DYNC1I1: variants seen among roughly 807,000 people sequenced by gnomAD.
DYNC1I1 encodes cytoplasmic dynein 1 intermediate chain 1.
In DYNC1I1, 43 loss-of-function variants were observed where a neutral mutation model predicts 86.6. The ratio of observed to expected loss-of-function variants is 0.50; its 90% CI spans 0.39 to 0.64. DYNC1I1 has a LOEUF of 0.64. Among genes scored for constraint, DYNC1I1 ranks in the 30% least tolerant of loss-of-function variants. The pLI is 0.00. For synonymous variants in DYNC1I1, 262 were observed against 283.7 expected (o/e 0.92, Z 0.77); for missense variants, 604 against 788.8 (o/e 0.77, Z 2.81).
At chr7:95,960,831 C>A (rs907938714) in intron 6 of DYNC1I1, among the ~76,000 whole-genome samples, 8 of 152,176 alleles carry the variant, frequency 5.3e-5, no homozygotes, top group African/African-American at 1.4e-4. Context: ...AGATAATAAA[C>A]CCTGTTCAGC....
intron 16 of DYNC1I1, 85 bp downstream of exon 16, chr7:96,080,573 A>G: frequency 6.2e-7 from 1 of 1,609,502 alleles, no homozygotes; most frequent in Non-Finnish European, 8.5e-7. Flanking sequence ...AAGAACTTGT[A>G]GGCCACAAGG....
intron 5 of DYNC1I1, among the ~76,000 whole-genome samples, chr7:95,832,189 A>T (rs1351370368): frequency 9.0e-6 from 1 of 111,676 alleles, no homozygotes; most frequent in African/African-American, 3.9e-5. Context: ...TCATTGTTCA[A>T]TTCCCACCTA....
chr7:95,806,299 T>A (rs1398919472), intron 2 of DYNC1I1, among the ~76,000 whole-genome samples: 1 of 152,230 alleles, frequency 6.6e-6, no homozygotes, highest in Non-Finnish European at 1.5e-5. Context: ...CTAAATGTGA[T>A]GTGATATGGG....
At position 96,023,233 on chromosome 7, in the gene DYNC1I1, C is replaced by G. The variant is rs1046066429; in HGVS notation, c.970-4942C>G. ...CATTTAACAGCATATGGCAACAATA[C>G]GACCAGTCCCTCCCTGAGGACCATC... On this transcript the variant is annotated intron_variant, in intron 10 of 16. Transcript: ENST00000447467. Among the ~76,000 whole-genome samples the G allele has an allele frequency of 4.6e-5, 7 of 152,264 alleles. No individual in the cohort carries two copies. The East Asian group carries it at 1.4e-3, about 29-fold the overall frequency.
At chr7:96,108,635 G>A (rs539803435) in intron 16 of DYNC1I1, among the ~76,000 whole-genome samples, 78 of 152,022 alleles carry the variant, frequency 5.1e-4, no homozygotes, top group Non-Finnish European at 8.7e-4. Context: ...AGGCCGAGGC[G>A]GGTGGATCAC....
intron 6 of DYNC1I1, among the ~76,000 whole-genome samples, chr7:95,877,888 G>A (rs1790350031): frequency 6.6e-6 from 1 of 152,212 alleles, no homozygotes; most frequent in South Asian, 2.1e-4. Flanking sequence ...CTGAGCAGTT[G>A]AAGTGATCAG....
At chr7:95,809,149 G>T (rs1286191030) in intron 2 of DYNC1I1, among the ~76,000 whole-genome samples, 1 of 152,116 alleles carries the variant, frequency 6.6e-6, no homozygotes, top group Admixed American at 6.6e-5. Context: ...TCAAAAATAT[G>T]AGTGATTTAG....
chr7:95,819,908 A>G lies in DYNC1I1; in HGVS notation c.314+6571A>G, dbSNP rs562709482. On this transcript the variant is annotated intron_variant, in intron 4 of 16. Transcript: ENST00000447467. ...GGTTATAGTAACACAGTAAGCATCT[A>G]TTTTAGGAAAGGGTAGCTGAGCTTT... Among the ~76,000 whole-genome samples, 17 of 152,312 alleles carry G rather than the reference A, an allele frequency of 1.1e-4. 1 individual carries two copies. The highest frequency in any genetic ancestry group is 4.1e-4 in the African/African-American group (17 of 41,566).
chr7:95,961,407 C>A (rs1488498), intron 6 of DYNC1I1, among the ~76,000 whole-genome samples: 7,172 of 152,208 alleles, frequency 0.047, 454 homozygotes, highest in African/African-American at 0.15. Context: ...ATAATAATTT[C>A]CACTTACCTA....
In DYNC1I1 at chr7:95,984,989, G is replaced by T; in HGVS notation, c.743+12G>T. 6.2e-7 allele frequency: 1 copy of T among 1,606,618 alleles called. No homozygotes were observed. ...GAGGAAAAAGATGGGTTAGTCTCTT[G>T]TGTGCATTCTTTAAAAAATAGCGTA... On this transcript the variant is annotated intron_variant, in intron 8 of 16. Transcript: ENST00000447467.
At chr7:96,035,482 G>T in intron 12 of DYNC1I1, 137 bp from the exon 13 acceptor site, 1 of 1,190,254 alleles carries the variant, frequency 8.4e-7, no homozygotes, top group Non-Finnish European at 1.1e-6. Flanking sequence ...GTAAAGCATG[G>T]TTTCTGGCAC....
At chr7:95,838,619 G>T (rs1363030307) in intron 5 of DYNC1I1, among the ~76,000 whole-genome samples, 1 of 152,098 alleles carries the variant, frequency 6.6e-6, no homozygotes, top group African/African-American at 2.4e-5. Flanking sequence ...TCTGTAGACT[G>T]CTCTAGGCAG....
intron 14 of DYNC1I1, among the ~76,000 whole-genome samples, chr7:96,068,837 G>A (rs1790074125): frequency 6.6e-6 from 1 of 152,136 alleles, no homozygotes; most frequent in Non-Finnish European, 1.5e-5. Flanking sequence ...TAGGTGAAAT[G>A]GGTTGTTAGC....
At chr7:96,081,714 A>G (rs1790524876) in intron 16 of DYNC1I1, among the ~76,000 whole-genome samples, 1 of 152,188 alleles carries the variant, frequency 6.6e-6, no homozygotes, top group Non-Finnish European at 1.5e-5. Context: ...TTATGGTTTC[A>G]TCAATCAGCA....
At chr7:96,050,857 A>G (rs1048900944) in intron 14 of DYNC1I1, among the ~76,000 whole-genome samples, 1 of 152,190 alleles carries the variant, frequency 6.6e-6, no homozygotes, top group Admixed American at 6.5e-5. Context: ...TAGTAAAAAA[A>G]CTACATATTT....
At chr7:96,016,927 T>G (rs916787932) in intron 10 of DYNC1I1, among the ~76,000 whole-genome samples, 5 of 152,198 alleles carry the variant, frequency 3.3e-5, no homozygotes, top group African/African-American at 1.2e-4. Flanking sequence ...TGTGGCTGAC[T>G]CCCTTAGTGT....
intron 6 of DYNC1I1, among the ~76,000 whole-genome samples, chr7:95,899,980 T>G (rs539227099): frequency 6.6e-6 from 1 of 152,272 alleles, no homozygotes; most frequent in African/African-American, 2.4e-5. Context: ...ATCATGTAGG[T>G]GCTCGCCTGT....
intron 12 of DYNC1I1, among the ~76,000 whole-genome samples, chr7:96,033,508 G>A (rs1171867943): frequency 6.6e-6 from 1 of 152,062 alleles, no homozygotes; most frequent in Non-Finnish European, 1.5e-5. Flanking sequence ...ATTTCTTTGT[G>A]TGAAAAAACA....
chr7:95,964,518 C>G (rs951385567), intron 6 of DYNC1I1, among the ~76,000 whole-genome samples: 1 of 152,208 alleles, frequency 6.6e-6, no homozygotes. Flanking sequence ...TGCCATCTCC[C>G]ATATGCCCAG....
Sources: gnomAD v4.1 joint callset for allele counts (sites outside exome capture counted in the v4.1 genomes callset) on GRCh38, gnomAD v4.1.1 for gene constraint, MANE v1.5 for transcripts, NCBI Gene and HGNC (gene_info 2026-07-23, HGNC 2026-07-21) for gene names.